Variants in CPNE4 observed in about 807,000 individuals in gnomAD.
CPNE4 encodes the protein copine-4.
In CPNE4, 25 loss-of-function variants were observed where a neutral mutation model predicts 67.9. That is an observed-to-expected ratio of 0.37 (90% CI 0.27 to 0.51). CPNE4 has a LOEUF of 0.51. Among genes scored for constraint, CPNE4 ranks in the 20% least tolerant of loss-of-function variants. CPNE4 has a pLI of 0.93. For missense variants in CPNE4, 464 were observed against 690.8 expected, an observed-to-expected ratio of 0.67 and a Z score of 3.68; for synonymous variants, 242 against 244.9, an observed-to-expected ratio of 0.99 and a Z score of 0.11.
chr3:131,961,760 T>G (rs1378418170), intron 1 of CPNE4, among the ~76,000 whole-genome samples: 1 of 152,126 alleles, frequency 6.6e-6, no homozygotes, highest in African/African-American at 2.4e-5. Context: ...AAAATGACCT[T>G]AAAGACAGAC....
chr3:131,896,119 T>G (rs2088322236), intron 2 of CPNE4, among the ~76,000 whole-genome samples: 1 of 152,052 alleles, frequency 6.6e-6, no homozygotes, highest in Non-Finnish European at 1.5e-5. Flanking sequence ...TAATTATTCA[T>G]AATAGCAAAG....
At chr3:131,594,164 G>T (rs116299351) in intron 7 of CPNE4, among the ~76,000 whole-genome samples, 1,902 of 152,146 alleles carry the variant, frequency 0.013, 46 homozygotes, top group African/African-American at 0.043. Flanking sequence ...TTATATTAAG[G>T]TACATTTCTT....
chr3:131,864,050 G>A (rs2086818583), intron 2 of CPNE4, among the ~76,000 whole-genome samples: 1 of 151,890 alleles, frequency 6.6e-6, no homozygotes. Flanking sequence ...GCTCTGTTCT[G>A]TTCCATTGGT....
intron 2 of CPNE4, among the ~76,000 whole-genome samples, chr3:131,738,649 G>GT (rs946151167): frequency 5.9e-5 from 9 of 151,756 alleles, no homozygotes; most frequent in African/African-American, 1.2e-4. Flanking sequence ...TTGTTTGTTT[G>GT]TTTTTTTCTG....
chr3:131,993,472 C>CAAAAAAAGAAA (rs763312547), intron 1 of CPNE4, among the ~76,000 whole-genome samples: 1 of 60,462 alleles, frequency 1.7e-5, no homozygotes, highest in African/African-American at 5.5e-5. Context: ...GCAGGAGTGG[C>CAAAAAAAGAAA]AAAAAAAAAA....
chr3:131,905,582 C>T, intron 1 of CPNE4, 138 bp from the exon 2 acceptor site: 5 of 741,304 alleles, frequency 6.7e-6, no homozygotes, highest in South Asian at 6.0e-5. Flanking sequence ...TCTCACTTTC[C>T]AACCCAGTGA....
At chr3:131,814,529 TG>T (rs1273990434) in intron 2 of CPNE4, among the ~76,000 whole-genome samples, 1 of 150,140 alleles carries the variant, frequency 6.7e-6, no homozygotes, top group Non-Finnish European at 1.5e-5. Flanking sequence ...AGACTCTTTC[TG>T]TATTGCTTAT....
At chr3:132,013,090 G>C (rs576862229) in intron 1 of CPNE4, among the ~76,000 whole-genome samples, 2 of 152,282 alleles carry the variant, frequency 1.3e-5, no homozygotes, top group African/African-American at 4.8e-5. Context: ...AGGCATAGGG[G>C]TGGACGCCTG....
intron 2 of CPNE4, among the ~76,000 whole-genome samples, chr3:131,809,278 T>C (rs1343926718): frequency 1.3e-5 from 2 of 151,968 alleles, no homozygotes; most frequent in Non-Finnish European, 2.9e-5. Flanking sequence ...GATGAGGCAA[T>C]AGAGTTATAA....
intron 7 of CPNE4, among the ~76,000 whole-genome samples, chr3:131,622,018 CAAAAAAAAA>C (rs34415771): frequency 3.4e-5 from 2 of 58,038 alleles, no homozygotes; most frequent in East Asian, 8.4e-4. Context: ...GACCCTGTCT[CAAAAAAAAA>C]AAAAAAAAAA....
intron 2 of CPNE4, among the ~76,000 whole-genome samples, chr3:131,814,285 C>T (rs935652433): frequency 6.6e-6 from 1 of 152,072 alleles, no homozygotes; most frequent in Non-Finnish European, 1.5e-5. Flanking sequence ...TGTAGCAACT[C>T]AAGAAATAAG....
chr3:131,887,584 C>T (rs1456848759), intron 2 of CPNE4, among the ~76,000 whole-genome samples: 1 of 152,108 alleles, frequency 6.6e-6, no homozygotes, highest in Non-Finnish European at 1.5e-5. Context: ...TTCTTCTTCT[C>T]TATTATTTCC....
chr3:131,995,628 A>G (rs1445141870), intron 1 of CPNE4, among the ~76,000 whole-genome samples: 1 of 152,220 alleles, frequency 6.6e-6, no homozygotes, highest in Non-Finnish European at 1.5e-5. Context: ...TAAAATGAAG[A>G]AAGCCAGAGG....
chr3:131,766,275 G>A (rs904592106), intron 2 of CPNE4, among the ~76,000 whole-genome samples: 1 of 43,760 alleles, frequency 2.3e-5, no homozygotes, highest in Non-Finnish European at 5.5e-5. Context: ...GGGTTGTTTT[G>A]AAGATTAAGC....
intron 1 of CPNE4, among the ~76,000 whole-genome samples, chr3:131,987,081 C>T (rs891267508): frequency 2.6e-5 from 4 of 152,126 alleles, no homozygotes; most frequent in African/African-American, 9.7e-5. Flanking sequence ...AAACACTTCT[C>T]AAATTTGAAT....
rs574194759 is a variant in CPNE4 at position 131,874,071 on chromosome 3, T to C, written c.180+31193A>G. On this transcript the variant is annotated intron_variant, in intron 2 of 15. Transcript: ENST00000429747. ...GCCTTGGGGTCTGAGATTTACTTAT[T>C]CCTTCATTCAGTTGTTTCTTTTCTT... Among the ~76,000 whole-genome samples, 177 of 151,878 alleles carry C rather than the reference T, an allele frequency of 1.2e-3. 1 individual carries two copies. The Middle Eastern group carries it at 0.017, about 15-fold the overall frequency.
chr3:131,557,016 T>C (rs1417875051), intron 11 of CPNE4, among the ~76,000 whole-genome samples: 3 of 152,098 alleles, frequency 2.0e-5, no homozygotes, highest in Admixed American at 6.5e-5. Context: ...CCAAGGAGAA[T>C]TGTGTGATTC....
intron 7 of CPNE4, among the ~76,000 whole-genome samples, chr3:131,665,061 A>G (rs898699109): frequency 2.5e-4 from 38 of 152,128 alleles, no homozygotes; most frequent in Middle Eastern, 3.2e-3. Flanking sequence ...CTTTAGAGTT[A>G]CATTAAAAAA....
chr3:131,655,363 T>C (rs2107631767), intron 7 of CPNE4, among the ~76,000 whole-genome samples: 1 of 152,316 alleles, frequency 6.6e-6, no homozygotes, highest in Middle Eastern at 3.4e-3. Context: ...ATGCTGACCT[T>C]GTCTTAAGGT....
Sources: allele counts gnomAD v4.1 joint callset (sites outside exome capture counted in the v4.1 genomes callset), GRCh38; gene constraint gnomAD v4.1.1; transcripts MANE v1.5; gene names NCBI Gene and HGNC (gene_info 2026-07-23, HGNC 2026-07-21).